LYPD6B: variants seen among roughly 807,000 people sequenced by gnomAD.
LYPD6B encodes LY6/PLAUR domain containing 6B.
LYPD6B carries 17 observed loss-of-function variants against 22.8 expected under a neutral mutation model. The ratio of observed to expected loss-of-function variants is 0.75; its 90% CI spans 0.51 to 1.12. The LOEUF (loss-of-function observed/expected upper bound fraction) is 1.12, where lower values mean the gene tolerates loss of function less well. LYPD6B is among the 50% of genes most tolerant of loss of function. LYPD6B has a pLI of 0.00. For missense variants in LYPD6B, 221 were observed against 258.3 expected (o/e 0.86, Z 0.99); for synonymous variants, 106 against 91.6 (o/e 1.16, Z -0.90).
intron 3 of LYPD6B, among the ~76,000 whole-genome samples, chr2:149,188,078 C>G (rs1692238503): frequency 1.3e-5 from 2 of 152,184 alleles, no homozygotes; most frequent in Non-Finnish European, 2.9e-5. Context: ...ACTAGGGAAG[C>G]ATTTTTGTAA....
At chr2:149,195,488 A>G (rs1692750812) in intron 3 of LYPD6B, among the ~76,000 whole-genome samples, 1 of 152,226 alleles carries the variant, frequency 6.6e-6, no homozygotes, top group African/African-American at 2.4e-5. Flanking sequence ...GGCAAATCAT[A>G]TAGATTTACC....
At chr2:149,212,380 CAA>C (rs386391473) in intron 5 of LYPD6B, among the ~76,000 whole-genome samples, 725 of 60,068 alleles carry the variant, frequency 0.012, 4 homozygotes, top group African/African-American at 0.052. Flanking sequence ...GACTCCGTCT[CAA>C]AAAAAAAAAA....
At chr2:149,119,023 T>C (rs2105581584) in intron 1 of LYPD6B, 1 of 152,352 alleles carries the variant, frequency 6.6e-6, no homozygotes, top group South Asian at 2.1e-4. Flanking sequence ...AAATGTAAGG[T>C]GGCAGTGTTC....
chr2:149,101,679 G>A (rs1686218572), intron 1 of LYPD6B: 1 of 152,260 alleles, frequency 6.6e-6, no homozygotes, highest in Non-Finnish European at 1.5e-5. Context: ...CATCTGCCCA[G>A]AGTGGGCACT....
intron 4 of LYPD6B, among the ~76,000 whole-genome samples, chr2:149,207,669 T>C (rs1179028952): frequency 6.6e-6 from 1 of 152,070 alleles, no homozygotes. Flanking sequence ...CTGGCCAAGG[T>C]CTAATGTTGT....
At chr2:149,153,416 G>A (rs188968018) in intron 2 of LYPD6B, among the ~76,000 whole-genome samples, 212 of 152,210 alleles carry the variant, frequency 1.4e-3, no homozygotes, top group Admixed American at 5.5e-3. Context: ...CAGTGTCGTG[G>A]GATGGTCAGG....
intron 1 of LYPD6B, among the ~76,000 whole-genome samples, chr2:149,066,336 C>T (rs1684330290): frequency 6.6e-6 from 1 of 151,848 alleles, no homozygotes; most frequent in African/African-American, 2.4e-5. Context: ...GTCCCCCCAC[C>T]CCACAACAGG....
intron 1 of LYPD6B, among the ~76,000 whole-genome samples, chr2:149,059,893 T>A (rs1683994989): frequency 1.3e-5 from 2 of 152,178 alleles, no homozygotes; most frequent in Non-Finnish European, 2.9e-5. Context: ...CCTGGGCCTG[T>A]GTCCCAGAAG....
In LYPD6B at chr2:149,121,695, T is replaced by C. The variant is rs531411288; in HGVS notation, c.-66-9188T>C. On this transcript the variant is annotated intron_variant, in intron 1 of 6. Transcript: ENST00000409642. ...GGTGGTAGAAGGAAGTAATGTTCCA[T>C]GAGCACTTAGAGCTGCAGCCACAGA... Among the ~76,000 whole-genome samples, 10 of 152,294 alleles carry C rather than the reference T, an allele frequency of 6.6e-5. No individual in the cohort carries two copies. In the South Asian group the frequency reaches 2.1e-3, roughly 32 times the overall value.
At chr2:149,182,422 T>C (rs1266109411) in intron 3 of LYPD6B, among the ~76,000 whole-genome samples, 2 of 152,220 alleles carry the variant, frequency 1.3e-5, no homozygotes, top group Non-Finnish European at 2.9e-5. Flanking sequence ...CCTACTATTT[T>C]TGGTGTGCTG....
intron 3 of LYPD6B, among the ~76,000 whole-genome samples, chr2:149,204,169 C>T (rs781622080): frequency 3.4e-4 from 51 of 152,132 alleles, no homozygotes; most frequent in African/African-American, 1.0e-3. Flanking sequence ...CCACATTTGA[C>T]GCTCACATTT....
chr2:149,152,539 G>C (rs980905782), intron 2 of LYPD6B, among the ~76,000 whole-genome samples: 1 of 152,172 alleles, frequency 6.6e-6, no homozygotes, highest in Admixed American at 6.5e-5. Context: ...ACAGACGTAG[G>C]GCATCCTTAA....
intron 2 of LYPD6B, among the ~76,000 whole-genome samples, chr2:149,153,593 C>G (rs579158): frequency 0.65 from 98,985 of 151,686 alleles, 32,449 homozygotes; most frequent in South Asian, 0.76. Flanking sequence ...TGGCCAACAT[C>G]ATGAAACACG....
chr2:149,118,174 AG>A (rs1687097897), intron 1 of LYPD6B: 2 of 152,242 alleles, frequency 1.3e-5, no homozygotes, highest in Non-Finnish European at 2.9e-5. Flanking sequence ...GCCAGGCTTC[AG>A]TGTGTGTGCT....
chr2:149,198,019 A>G (rs950397231), intron 3 of LYPD6B, among the ~76,000 whole-genome samples: 1 of 151,226 alleles, frequency 6.6e-6, no homozygotes, highest in Non-Finnish European at 1.5e-5. Context: ...TAATTCCTAA[A>G]CATCTAAGCT....
intron 1 of LYPD6B, among the ~76,000 whole-genome samples, chr2:149,071,513 A>G (rs1376673904): frequency 6.6e-6 from 1 of 152,190 alleles, no homozygotes; most frequent in South Asian, 2.1e-4. Flanking sequence ...CTAGGATAAG[A>G]TCTTTGCCTT....
chr2:149,167,818 G>A (rs1240869335), intron 3 of LYPD6B, among the ~76,000 whole-genome samples: 3 of 152,086 alleles, frequency 2.0e-5, no homozygotes, highest in African/African-American at 7.2e-5. Flanking sequence ...GAAAGTCTGT[G>A]GAAGCCCCTT....
chr2:149,077,265 C>A (rs923403425), intron 1 of LYPD6B, among the ~76,000 whole-genome samples: 4 of 152,200 alleles, frequency 2.6e-5, no homozygotes, highest in African/African-American at 9.7e-5. Context: ...AGCCCCCAGT[C>A]AGGTCTTTGT....
chr2:149,198,683 C>G (rs980224658), intron 3 of LYPD6B, among the ~76,000 whole-genome samples: 1 of 152,270 alleles, frequency 6.6e-6, no homozygotes, highest in East Asian at 1.9e-4. Context: ...AAGCTTCTGT[C>G]TTTGGCATTG....
Sources: gnomAD v4.1 joint callset for allele counts (sites outside exome capture counted in the v4.1 genomes callset) on GRCh38, gnomAD v4.1.1 for gene constraint, MANE v1.5 for transcripts, NCBI Gene and HGNC (gene_info 2026-07-23, HGNC 2026-07-21) for gene names.